Variants in KLF17 observed in about 807,000 individuals in gnomAD.
The protein encoded by KLF17 is Krueppel-like factor 17.
A neutral mutation model predicts 34.2 loss-of-function variants in KLF17; 31 were observed. The ratio of observed to expected loss-of-function variants is 0.91; its 90% CI spans 0.68 to 1.22. The LOEUF (loss-of-function observed/expected upper bound fraction) is 1.22. KLF17 is among the 50% of genes most tolerant of loss of function. KLF17 has a pLI of 0.00. For synonymous variants in KLF17, 179 were observed against 186.7 expected, an observed-to-expected ratio of 0.96 and a Z score of 0.34; for missense variants, 478 against 505.2, an observed-to-expected ratio of 0.95 and a Z score of 0.52.
At chr1:44,061,314 A>T in the KLF17 span, 1 of 152,268 alleles carries the variant, frequency 6.6e-6, no homozygotes, top group African/African-American at 2.4e-5. Flanking sequence ...GTAGACCTCC[A>T]ACCTTCTGTA....
the KLF17 span, among the ~76,000 whole-genome samples, chr1:44,078,717 C>G: frequency 6.6e-6 from 1 of 152,182 alleles, no homozygotes; most frequent in East Asian, 1.9e-4. Context: ...ATTACAGACA[C>G]GAGCTGCTGT....
the KLF17 span, among the ~76,000 whole-genome samples, chr1:44,062,242 C>T: frequency 2.6e-5 from 4 of 152,218 alleles, no homozygotes; most frequent in East Asian, 1.9e-4. Flanking sequence ...AAATTGTAAT[C>T]GAATGTATTT....
chr1:44,098,896 A>ATT, the KLF17 span, among the ~76,000 whole-genome samples: 34,712 of 135,924 alleles, frequency 0.26, 4,424 homozygotes, highest in Middle Eastern at 0.32. Flanking sequence ...ACTCACTTTA[A>ATT]TTTTTTTTTT....
the KLF17 span, among the ~76,000 whole-genome samples, chr1:44,110,800 A>G: frequency 1.3e-5 from 2 of 152,216 alleles, no homozygotes; most frequent in South Asian, 4.2e-4. Context: ...TATAGAACCT[A>G]ACTACTACTT....
the KLF17 span, among the ~76,000 whole-genome samples, chr1:44,073,435 AC>A: frequency 0.082 from 12,397 of 151,726 alleles, 506 homozygotes; most frequent in African/African-American, 0.1. Flanking sequence ...CCAACTCCTG[AC>A]CTCAGGTGAT....
intron 2 of KLF17, 86 bp from the exon 3 acceptor site, chr1:44,130,426 C>G: frequency 6.4e-7 from 1 of 1,554,978 alleles, no homozygotes. Context: ...CTTTTGAATC[C>G]TCAACCTGGA....
intron 3 of KLF17, 80 bp from the exon 4 acceptor site, chr1:44,133,158 C>G (rs2088131910): frequency 6.6e-6 from 1 of 152,298 alleles, no homozygotes; most frequent in Admixed American, 6.5e-5. Context: ...GTCAGAAAGG[C>G]TCTCTGGAGG....
the KLF17 span, among the ~76,000 whole-genome samples, chr1:44,047,073 C>T: frequency 6.8e-5 from 10 of 147,984 alleles, no homozygotes; most frequent in African/African-American, 1.5e-4. Context: ...AGGCTACAGA[C>T]ATGTCCTTGA....
the KLF17 span, among the ~76,000 whole-genome samples, chr1:44,096,238 G>A: frequency 1.3e-4 from 20 of 151,610 alleles, no homozygotes; most frequent in Non-Finnish European, 2.4e-4. Flanking sequence ...CACTGCACCT[G>A]GCCTTGGTGG....
chr1:44,066,511 C>G, the KLF17 span, among the ~76,000 whole-genome samples: 1 of 151,732 alleles, frequency 6.6e-6, no homozygotes, highest in Non-Finnish European at 1.5e-5. Context: ...CAGGAAAGAG[C>G]CACCATGCCT....
In KLF17 at chr1:44,133,460, A is replaced by G. The variant is rs1378550933; in HGVS notation, c.*223A>G. The G allele has an allele frequency of 6.6e-6, 1 of 152,252 alleles. No homozygotes were observed. The highest frequency in any genetic ancestry group is 1.9e-4 in the East Asian group (1 of 5,196). 9.4% of individuals were successfully genotyped at this position (152,252 alleles called of 1,614,324 possible). A position where few individuals can be genotyped will look rare whatever the true frequency, so the allele number is the denominator to read the frequency against. On this transcript the variant is annotated 3_prime_UTR_variant, in exon 4 of 4. Coordinates refer to ENST00000372299, the MANE Select transcript of KLF17 (RefSeq NM_173484.4). The stretch of plus-strand genomic sequence containing the variant: ...TCAAGGAGGTGCCTCCATCAGACCC[A>G]AAGGACTCATGGGGGCTAGCTGCAC...
the KLF17 span, among the ~76,000 whole-genome samples, chr1:44,107,436 C>A: frequency 1.3e-5 from 2 of 152,278 alleles, no homozygotes. Context: ...AGTAGTCCCT[C>A]CTCCTGTATC....
At chr1:44,129,032 A>G (rs964670490) in intron 1 of KLF17, among the ~76,000 whole-genome samples, 1 of 151,510 alleles carries the variant, frequency 6.6e-6, no homozygotes, top group Non-Finnish European at 1.5e-5. Context: ...AAAAAAAAAA[A>G]CTGGAGTTTG....
the KLF17 span, among the ~76,000 whole-genome samples, chr1:44,089,929 A>AG: frequency 4.6e-5 from 7 of 152,144 alleles, no homozygotes; most frequent in African/African-American, 1.7e-4. Flanking sequence ...TGGGAGGCCA[A>AG]GGGGGGCGGA....
At chr1:44,125,906 T>A (rs906083720) in intron 1 of KLF17, among the ~76,000 whole-genome samples, 2 of 152,256 alleles carry the variant, frequency 1.3e-5, no homozygotes, top group African/African-American at 4.8e-5. Context: ...ACATTGGGGG[T>A]TGAGTTGCCA....
the KLF17 span, among the ~76,000 whole-genome samples, chr1:44,086,065 G>C: frequency 1.3e-5 from 2 of 152,200 alleles, no homozygotes; most frequent in Non-Finnish European, 2.9e-5. Context: ...GACTAGCCCT[G>C]GAGGAGCATG....
chr1:44,128,189 C>T (rs1325293121), intron 1 of KLF17, among the ~76,000 whole-genome samples: 3 of 152,168 alleles, frequency 2.0e-5, no homozygotes, highest in African/African-American at 7.2e-5. Context: ...TCAAGTGATT[C>T]TCCTGCCTCA....
At chr1:44,073,219 T>TTTTTTG in the KLF17 span, among the ~76,000 whole-genome samples, 1 of 151,002 alleles carries the variant, frequency 6.6e-6, no homozygotes, top group African/African-American at 2.4e-5. Flanking sequence ...CTTTTTTTTT[T>TTTTTTG]TTTTTGAGAC....
At chr1:44,107,441 T>C in the KLF17 span, among the ~76,000 whole-genome samples, 2 of 152,196 alleles carry the variant, frequency 1.3e-5, no homozygotes, top group African/African-American at 4.8e-5. Flanking sequence ...TCCCTCCTCC[T>C]GTATCTGCGG....
Sources: allele counts gnomAD v4.1 joint callset (sites outside exome capture counted in the v4.1 genomes callset), GRCh38; gene constraint gnomAD v4.1.1; transcripts MANE v1.5; gene names NCBI Gene and HGNC (gene_info 2026-07-23, HGNC 2026-07-21).